The following SYT1 variants were observed in gnomAD, a reference collection of about 807,000 sequenced individuals.
SYT1 encodes the protein synaptotagmin 1.
SYT1 carries 8 observed loss-of-function variants against 44.8 expected under a neutral mutation model. The ratio of observed to expected loss-of-function variants is 0.18; its 90% CI spans 0.10 to 0.32. The LOEUF is 0.32. Among genes scored for constraint, SYT1 ranks in the 10% least tolerant of loss-of-function variants. The probability of loss-of-function intolerance (pLI) is 1.00; values close to 1 mark genes in which losing one functional copy is unlikely to be tolerated. For synonymous variants in SYT1, 154 were observed against 188.8 expected, an observed-to-expected ratio of 0.82 and a Z score of 1.51; for missense variants, 286 against 509.3, an observed-to-expected ratio of 0.56 and a Z score of 4.22.
At chr12:79,045,069 T>C (rs1490635916) in intron 2 of SYT1, among the ~76,000 whole-genome samples, 1 of 152,074 alleles carries the variant, frequency 6.6e-6, no homozygotes, top group Non-Finnish European at 1.5e-5. Context: ...TACTGCTGTC[T>C]TTTTGTTTGT....
intron 9 of SYT1, among the ~76,000 whole-genome samples, chr12:79,371,659 C>T (rs1883795632): frequency 6.6e-6 from 1 of 152,096 alleles, no homozygotes; most frequent in South Asian, 2.1e-4. Flanking sequence ...AAAGAGTGGC[C>T]GTGAAACAGT....
At chr12:79,152,878 A>G (rs1251617060) in intron 3 of SYT1, among the ~76,000 whole-genome samples, 1 of 132,684 alleles carries the variant, frequency 7.5e-6, no homozygotes, top group Non-Finnish European at 1.6e-5. Context: ...GAAAAATGTA[A>G]AAAAAAAAAA....
At chr12:79,064,111 C>T (rs891306059) in intron 3 of SYT1, among the ~76,000 whole-genome samples, 8 of 152,188 alleles carry the variant, frequency 5.3e-5, no homozygotes, top group African/African-American at 1.7e-4. Context: ...AGCCATGCAA[C>T]AGTACCAGAC....
chr12:79,279,463 A>T (rs1416288225), intron 4 of SYT1, among the ~76,000 whole-genome samples: 2 of 152,110 alleles, frequency 1.3e-5, no homozygotes, highest in African/African-American at 2.4e-5. Context: ...CCTGGTAAAA[A>T]TTCTCCACAA....
At chr12:79,018,283 G>A (rs911242170) in intron 2 of SYT1, among the ~76,000 whole-genome samples, 17 of 144,772 alleles carry the variant, frequency 1.2e-4, no homozygotes, top group Non-Finnish European at 2.2e-4. Flanking sequence ...TCATAGGTGG[G>A]AATTGAACAA....
At chr12:79,059,336 T>C (rs1190388101) in intron 3 of SYT1, among the ~76,000 whole-genome samples, 3 of 152,104 alleles carry the variant, frequency 2.0e-5, no homozygotes, top group Non-Finnish European at 2.9e-5. Flanking sequence ...AGATAACTGC[T>C]TCATTTTTTC....
At chr12:79,365,333 A>C (rs1883494923) in intron 9 of SYT1, among the ~76,000 whole-genome samples, 1 of 152,080 alleles carries the variant, frequency 6.6e-6, no homozygotes, top group Non-Finnish European at 1.5e-5. Flanking sequence ...CTTTGTTCGA[A>C]TGTATCATGG....
At chr12:79,076,709 G>A (rs1040918533) in intron 3 of SYT1, among the ~76,000 whole-genome samples, 3 of 152,134 alleles carry the variant, frequency 2.0e-5, no homozygotes, top group Admixed American at 2.0e-4. Context: ...GGGAGGCCGA[G>A]GCAGGCAGGG....
At chr12:78,876,357 T>C (rs1256789026) in intron 1 of SYT1, among the ~76,000 whole-genome samples, 2 of 151,000 alleles carry the variant, frequency 1.3e-5, no homozygotes, top group African/African-American at 4.8e-5. Flanking sequence ...TACACAGTAA[T>C]GAAGTAATAA....
At chr12:78,993,289 A>G (rs997660353) in intron 2 of SYT1, among the ~76,000 whole-genome samples, 1 of 152,238 alleles carries the variant, frequency 6.6e-6, no homozygotes, top group Non-Finnish European at 1.5e-5. Flanking sequence ...TCATTTGGGC[A>G]AAGTATATCT....
chr12:79,295,927 T>C, intron 6 of SYT1, 142 bp from the exon 7 acceptor site: 1 of 997,928 alleles, frequency 1.0e-6, no homozygotes, highest in South Asian at 2.1e-5. Flanking sequence ...CCTTCTGTGT[T>C]CAGATTCATA....
intron 3 of SYT1, among the ~76,000 whole-genome samples, chr12:79,137,238 G>T (rs1294116883): frequency 6.6e-6 from 1 of 151,980 alleles, no homozygotes; most frequent in Non-Finnish European, 1.5e-5. Context: ...TGGGATTACA[G>T]GCGTGCACCA....
intron 2 of SYT1, among the ~76,000 whole-genome samples, chr12:78,982,312 G>C (rs1869323244): frequency 6.6e-6 from 1 of 152,102 alleles, no homozygotes; most frequent in Non-Finnish European, 1.5e-5. Context: ...TGAAATAAAA[G>C]TCTAAATCTC....
intron 9 of SYT1, among the ~76,000 whole-genome samples, chr12:79,389,706 C>T (rs1884576056): frequency 6.6e-6 from 1 of 152,140 alleles, no homozygotes; most frequent in Non-Finnish European, 1.5e-5. Flanking sequence ...TAAAATGCTG[C>T]CACCCCATCT....
At chr12:78,937,661 AC>A (rs2137236616) in intron 1 of SYT1, among the ~76,000 whole-genome samples, 1 of 152,258 alleles carries the variant, frequency 6.6e-6, no homozygotes, top group African/African-American at 2.4e-5. Flanking sequence ...TAAAAGAGAA[AC>A]GGTGTTTATG....
chr12:79,229,040 A>T (rs1447775764), intron 4 of SYT1, among the ~76,000 whole-genome samples: 1 of 152,184 alleles, frequency 6.6e-6, no homozygotes, highest in African/African-American at 2.4e-5. Context: ...ACTGAAATGT[A>T]AATTAGCCAA....
intron 9 of SYT1, among the ~76,000 whole-genome samples, chr12:79,359,661 C>T (rs1463462576): frequency 1.3e-5 from 2 of 152,018 alleles, no homozygotes; most frequent in African/African-American, 4.8e-5. Context: ...GTGACCTAGG[C>T]GAGCAAAATT....
intron 8 of SYT1, among the ~76,000 whole-genome samples, chr12:79,328,918 GA>G (rs1041121035): frequency 6.6e-6 from 1 of 151,054 alleles, no homozygotes. Flanking sequence ...AATTCCAAAG[GA>G]AAAAAAATGC....
rs185080671 is a variant in SYT1, at chr12:78,874,803, C to T, written c.-217+9694C>T. Reference sequence around the variant, plus strand: ...GTACCACTAGTACTCAATAATTTAACGACTGGTATGATTATACCAGTGTGA... The same window carrying T: ...GTACCACTAGTACTCAATAATTTAATGACTGGTATGATTATACCAGTGTGA... On this transcript the variant is annotated intron_variant, in intron 1 of 10. Coordinates refer to ENST00000261205, the MANE Select transcript of SYT1 (RefSeq NM_005639.3). 3.8e-3 allele frequency among the ~76,000 whole-genome samples: 583 copies of T among 151,662 alleles called. 3 individuals carry two copies. Among genetic ancestry groups the T allele is most frequent in the African/African-American group, 0.013 (548 of 41,456 alleles).
Sources: allele counts gnomAD v4.1 joint callset (sites outside exome capture counted in the v4.1 genomes callset), GRCh38; gene constraint gnomAD v4.1.1; transcripts MANE v1.5; gene names NCBI Gene and HGNC (gene_info 2026-07-23, HGNC 2026-07-21).